The following KEL variants were observed in gnomAD, a reference collection of about 807,000 sequenced individuals.
KEL encodes Kell metallo-endopeptidase (Kell blood group).
Under a neutral mutation model 99.5 loss-of-function variants are expected in KEL, and 96 were observed. That is an observed-to-expected ratio of 0.97 (90% CI 0.82 to 1.14). The LOEUF is 1.14. KEL is among the 50% of genes most tolerant of loss of function. The pLI, the probability that KEL is intolerant of heterozygous loss-of-function variation, is 0.00. For synonymous variants in KEL, 355 were observed against 354.8 expected (o/e 1.00, Z -0.01); for missense variants, 926 against 924.2 (o/e 1.00, Z -0.03).
chr7:142,959,932 T>A (rs1796913961), intron 4 of KEL, among the ~76,000 whole-genome samples: 1 of 152,240 alleles, frequency 6.6e-6, no homozygotes, highest in South Asian at 2.1e-4. Context: ...AGATTCTAAT[T>A]GATAGTGTCA....
chr7:142,942,377 T>A, intron 18 of KEL, 57 bp downstream of exon 18: 1 of 1,215,282 alleles, frequency 8.2e-7, no homozygotes, highest in Non-Finnish European at 1.2e-6. Context: ...TGAGCTTCAG[T>A]AATAAGGCGT....
chr7:142,955,772 A>G (rs1796816740), intron 6 of KEL, among the ~76,000 whole-genome samples: 1 of 152,166 alleles, frequency 6.6e-6, no homozygotes, highest in Non-Finnish European at 1.5e-5. Context: ...CTTTTGCTAC[A>G]TTGTATGTCC....
In KEL at chr7:142,943,464, ACC is replaced by A; in HGVS notation, c.1703+20_1703+21del. On this transcript the variant is annotated intron_variant, in intron 15 of 18. Transcript: ENST00000355265. ...GCCCCTCTTGGGAAACTCCCTACCTACCCTTACAGAGTGACCCATACCTGGGA... is the reference window on the plus strand; with the variant it reads ...GCCCCTCTTGGGAAACTCCCTACCTACTTACAGAGTGACCCATACCTGGGA... 1 of 1,607,804 alleles carries A rather than the reference ACC, an allele frequency of 6.2e-7. No homozygotes were observed. The highest frequency in any genetic ancestry group is 1.1e-5 in the South Asian group (1 of 90,942).
At chr7:142,945,599 G>A (rs1199362018) in intron 11 of KEL, among the ~76,000 whole-genome samples, 1 of 151,958 alleles carries the variant, frequency 6.6e-6, no homozygotes, top group African/African-American at 2.4e-5. Flanking sequence ...CTACAACAGG[G>A]AGGAGACTTA....
intron 3 of KEL, 90 bp from the exon 4 acceptor site, chr7:142,961,194 T>A: frequency 6.6e-7 from 1 of 1,523,120 alleles, no homozygotes; most frequent in South Asian, 1.1e-5. Context: ...GGTGAGTAAC[T>A]AAGTGGGGAG....
At chr7:142,960,349 G>C (rs1796925886) in intron 4 of KEL, among the ~76,000 whole-genome samples, 1 of 152,120 alleles carries the variant, frequency 6.6e-6, no homozygotes, top group Admixed American at 6.6e-5. Context: ...AGGTTTCAAT[G>C]GAGAAGCAAG....
chr7:142,949,359 A>C (rs1796616563), intron 10 of KEL, among the ~76,000 whole-genome samples: 2 of 152,244 alleles, frequency 1.3e-5, no homozygotes, highest in Non-Finnish European at 2.9e-5. Flanking sequence ...CTGAATCAAA[A>C]GTAAACATCA....
intron 11 of KEL, chr7:142,945,999 G>A (rs1326014410): frequency 3.3e-6 from 2 of 598,808 alleles, no homozygotes; most frequent in Non-Finnish European, 6.0e-6. Context: ...GTGAGAGCAT[G>A]TCATGGAGAA....
In KEL at chr7:142,958,442, A is replaced by G; in HGVS notation, c.401-14T>C. On this transcript the variant is annotated splice_polypyrimidine_tract_variant and intron_variant, in intron 4 of 18. Transcript: ENST00000355265. Reference sequence around the variant, plus strand: ...AATTCTGGACCTCTAGAAAGGAAGCATGGGAGTGAGGACTAAACTCTGATT... The same window carrying G: ...AATTCTGGACCTCTAGAAAGGAAGCGTGGGAGTGAGGACTAAACTCTGATT... 6.2e-7 allele frequency: 1 copy of G among 1,613,572 alleles called. No homozygotes were observed. Among genetic ancestry groups the G allele is most frequent in the Non-Finnish European group, 8.5e-7 (1 of 1,179,936 alleles).
intron 9 of KEL, 66 bp from the exon 10 acceptor site, chr7:142,952,704 T>C: frequency 6.3e-7 from 1 of 1,590,254 alleles, no homozygotes; most frequent in African/African-American, 1.3e-5. Context: ...GAAGAGCCTC[T>C]CCTTGTGTAA....
chr7:142,941,891 C>A (rs572761422), intron 18 of KEL, among the ~76,000 whole-genome samples: 1 of 151,880 alleles, frequency 6.6e-6, no homozygotes, highest in African/African-American at 2.4e-5. Context: ...TCACTGCAAC[C>A]TCCGCCTCCC....
intron 1 of KEL, 75 bp from the exon 2 acceptor site, chr7:142,961,947 G>A: frequency 6.3e-7 from 1 of 1,598,022 alleles, no homozygotes; most frequent in East Asian, 2.2e-5. Context: ...GTTTTATCAG[G>A]CCATTTTGAT....
rs779858065 is a variant in KEL at position 142,946,317 on chromosome 7, G to T, written c.1204C>A (p.Pro402Thr). Residue 402 changes from proline (P) to threonine (T), a missense_variant and splice_region_variant, in exon 11 of 19, where the codon CCT (proline) becomes ACT (threonine). Coordinates refer to ENST00000355265, the MANE Select transcript of KEL (RefSeq NM_000420.3). ...CACTTCATCCATCGTGGGCGGGCAG[G>T]CTATGGAGACAAAGCTGGAATGAGT... ...LRELTEQPPMPARPRWMKCVE... is the reference protein window; with the variant it reads ...LRELTEQPPMTARPRWMKCVE... 82 of 1,611,820 alleles carry T rather than the reference G, an allele frequency of 5.1e-5. No individual in the cohort carries two copies. The highest frequency in any genetic ancestry group is 6.9e-5 in the Non-Finnish European group (81 of 1,178,700).
Position 142,954,561 on chromosome 7 carries a change from G to A in KEL, c.673-34C>T, listed in dbSNP as rs911661447. 8 of 1,604,850 alleles carry A rather than the reference G, an allele frequency of 5.0e-6. No homozygotes were observed. The African/African-American group carries it at 5.4e-5, about 11-fold the overall frequency. Reference sequence around the variant, plus strand: ...AAGAGAGACTGGAGAGAAGCAGGGAGCATGGCGGATGGAGAGGGCAGGTGT... The same window carrying A: ...AAGAGAGACTGGAGAGAAGCAGGGAACATGGCGGATGGAGAGGGCAGGTGT... On this transcript the variant is annotated intron_variant, in intron 6 of 18. Coordinates refer to ENST00000355265, the MANE Select transcript of KEL (RefSeq NM_000420.3).
chr7:142,944,623 G>T lies in KEL; in HGVS notation c.1413+20C>A. The T allele has an allele frequency of 6.3e-7, 1 of 1,591,346 alleles. No homozygotes were observed. The highest frequency in any genetic ancestry group is 8.6e-7 in the Non-Finnish European group (1 of 1,159,402). Reference sequence around the variant, plus strand: ...ATTCCCTGCACAGGCTCCCACACCAGCCAGGACGCCTGGCCTGACCTTGTC... The same window carrying T: ...ATTCCCTGCACAGGCTCCCACACCATCCAGGACGCCTGGCCTGACCTTGTC... On this transcript the variant is annotated intron_variant, in intron 12 of 18. Coordinates refer to ENST00000355265, the MANE Select transcript of KEL (RefSeq NM_000420.3).
chr7:142,942,885 A>G lies in KEL; in HGVS notation c.1931T>C (p.Ile644Thr), dbSNP rs1796402060. ...TTGACACTTGCATACCTGCAGCGCG[A>G]TGGCTAGCCCCCCAACGTCTGCAGC... is the stretch of plus-strand genomic sequence containing the variant. ...ENAADVGGLAIALQAYSKRLL... is the reference protein window; with the variant it reads ...ENAADVGGLATALQAYSKRLL... Residue 644 changes from isoleucine (I) to threonine (T), a missense_variant, in exon 17 of 19, where the codon ATC becomes ACC. Coordinates refer to ENST00000355265, the MANE Select transcript of KEL (RefSeq NM_000420.3). 1.2e-6 allele frequency: 2 copies of G among 1,614,088 alleles called. No individual in the cohort carries two copies. The highest frequency in any genetic ancestry group is 1.7e-6 in the Non-Finnish European group (2 of 1,180,046).
At chr7:142,958,527 A>G in intron 4 of KEL, 99 bp from the exon 5 acceptor site, 1 of 1,119,550 alleles carries the variant, frequency 8.9e-7, no homozygotes, top group Non-Finnish European at 1.3e-6. Context: ...CCTATATCAT[A>G]AGTTCTCATC....
In KEL at chr7:142,961,883, T is replaced by C. The variant is rs2116355995; in HGVS notation, c.4-11A>G. On this transcript the variant is annotated splice_polypyrimidine_tract_variant and intron_variant, in intron 1 of 18. Coordinates refer to ENST00000355265, the MANE Select transcript of KEL (RefSeq NM_000420.3). ...TTGGTCCCCACCTTCCTGAAGTGAG[T>C]GGAGGGAGAAGGAGGAGAGAGAAGC... 6.2e-7 allele frequency: 1 copy of C among 1,613,414 alleles called. No homozygotes were observed. Among genetic ancestry groups the C allele is most frequent in the Admixed American group, 1.7e-5 (1 of 60,010 alleles).
intron 10 of KEL, among the ~76,000 whole-genome samples, chr7:142,951,783 G>A (rs796678452): frequency 3.3e-5 from 5 of 152,210 alleles, no homozygotes; most frequent in African/African-American, 1.2e-4. Context: ...CCAAGGCAGG[G>A]AAATGGACCA....
Sources: gnomAD v4.1 joint callset for allele counts (sites outside exome capture counted in the v4.1 genomes callset) on GRCh38, gnomAD v4.1.1 for gene constraint, MANE v1.5 for transcripts, NCBI Gene and HGNC (gene_info 2026-07-23, HGNC 2026-07-21) for gene names.